Variants in GALNTL6 observed in about 807,000 individuals in gnomAD.
GALNTL6 encodes the protein polypeptide N-acetylgalactosaminyltransferase like 6.
A neutral mutation model predicts 73.7 loss-of-function variants in GALNTL6; 46 were observed. That is an observed-to-expected ratio of 0.62 (90% confidence interval 0.49 to 0.80). The LOEUF is 0.80. Among genes scored for constraint, GALNTL6 ranks in the 30% least tolerant of loss-of-function variants. GALNTL6 has a pLI of 0.00. For missense variants in GALNTL6, 604 were observed against 755.0 expected, an observed-to-expected ratio of 0.80 and a Z score of 2.34; for synonymous variants, 259 against 263.7, an observed-to-expected ratio of 0.98 and a Z score of 0.17.
At chr4:172,931,294 CTG>C (rs1748324712) in intron 9 of GALNTL6, 26 bp downstream of exon 9, 1 of 1,339,476 alleles carries the variant, frequency 7.5e-7, no homozygotes. Flanking sequence ...TCAGAACAGA[CTG>C]GGGTTGATAT....
Position 171,886,351 on chromosome 4 carries a change from A to G in GALNTL6, c.138+71633A>G, listed in dbSNP as rs375585572. Among the ~76,000 whole-genome samples the G allele has an allele frequency of 2.0e-5, 3 of 152,240 alleles. No individual in the cohort carries two copies. In the East Asian group the frequency reaches 5.8e-4, roughly 29 times the overall value. On this transcript the variant is annotated intron_variant, in intron 2 of 12. Coordinates refer to ENST00000506823, the MANE Select transcript of GALNTL6 (RefSeq NM_001034845.3). ...ATCATAATGACAAAAGAGCTAATTTATTTTCTTCATTTTTTCATTGTAAAT... is the reference window on the plus strand; with the variant it reads ...ATCATAATGACAAAAGAGCTAATTTGTTTTCTTCATTTTTTCATTGTAAAT...
intron 5 of GALNTL6, among the ~76,000 whole-genome samples, chr4:172,476,874 T>C (rs1450180731): frequency 6.6e-6 from 1 of 152,152 alleles, no homozygotes; most frequent in Non-Finnish European, 1.5e-5. Flanking sequence ...AATAGTACAT[T>C]CTATTTATTT....
intron 5 of GALNTL6, among the ~76,000 whole-genome samples, chr4:172,533,053 C>T (rs1162874561): frequency 2.1e-5 from 3 of 145,766 alleles, no homozygotes; most frequent in Non-Finnish European, 4.5e-5. Flanking sequence ...TGCTGTGTTG[C>T]CAGGCTTCAA....
At chr4:172,333,119 C>G (rs1404089280) in intron 4 of GALNTL6, among the ~76,000 whole-genome samples, 1 of 152,110 alleles carries the variant, frequency 6.6e-6, no homozygotes, top group Non-Finnish European at 1.5e-5. Context: ...GAAATGTACA[C>G]TGATGGCCGG....
intron 7 of GALNTL6, among the ~76,000 whole-genome samples, chr4:172,824,344 C>A (rs1742111495): frequency 6.7e-6 from 1 of 150,326 alleles, no homozygotes; most frequent in African/African-American, 2.5e-5. Flanking sequence ...TCAGTCAGAA[C>A]CTGACTTCCA....
intron 2 of GALNTL6, among the ~76,000 whole-genome samples, chr4:172,011,602 C>T (rs943225390): frequency 6.6e-6 from 1 of 151,890 alleles, no homozygotes; most frequent in Non-Finnish European, 1.5e-5. Context: ...CATATCATTC[C>T]TGAAATCTGG....
chr4:173,015,576 A>G (rs1430233167), intron 11 of GALNTL6, among the ~76,000 whole-genome samples: 1 of 152,290 alleles, frequency 6.6e-6, no homozygotes, highest in African/African-American at 2.4e-5. Flanking sequence ...CTTGTTATGC[A>G]AAGAGACTGG....
intron 5 of GALNTL6, among the ~76,000 whole-genome samples, chr4:172,501,715 T>C (rs187755217): frequency 3.3e-4 from 50 of 152,262 alleles, no homozygotes; most frequent in African/African-American, 1.2e-3. Flanking sequence ...GTAGCTGTAG[T>C]CCACATAAAT....
chr4:171,814,522 A>G lies in GALNTL6; in HGVS notation c.-59A>G. On this transcript the variant is annotated 5_prime_UTR_variant, in exon 2 of 13. Transcript: ENST00000506823. ...GGAGAGGAAAGGAATTTGACATTAA[A>G]CACAAGAAGCAGTCAGGGAGCCATC... 2.7e-5 allele frequency: 42 copies of G among 1,584,760 alleles called. No individual in the cohort carries two copies. The highest frequency in any genetic ancestry group is 3.6e-5 in the Non-Finnish European group (42 of 1,159,394).
chr4:172,539,529 TAACAATA>T (rs1036716960), intron 5 of GALNTL6, among the ~76,000 whole-genome samples: 3 of 152,130 alleles, frequency 2.0e-5, no homozygotes, highest in Non-Finnish European at 2.9e-5. Flanking sequence ...TATCAGTTTG[TAACAATA>T]AAACTGCAGG....
intron 3 of GALNTL6, among the ~76,000 whole-genome samples, chr4:172,290,162 T>C (rs1363489080): frequency 6.6e-6 from 1 of 152,190 alleles, no homozygotes; most frequent in Non-Finnish European, 1.5e-5. Context: ...CTGCTTTAAC[T>C]GAAGAGAGTA....
chr4:172,910,414 T>A (rs1265243656), intron 8 of GALNTL6, among the ~76,000 whole-genome samples: 3 of 152,204 alleles, frequency 2.0e-5, no homozygotes, highest in Non-Finnish European at 4.4e-5. Flanking sequence ...GGTATTTATA[T>A]GCCAAGGTGG....
chr4:172,893,857 T>C (rs1746180807), intron 8 of GALNTL6, among the ~76,000 whole-genome samples: 1 of 152,116 alleles, frequency 6.6e-6, no homozygotes, highest in African/African-American at 2.4e-5. Context: ...AATTCAAATG[T>C]CTCTGAAGGT....
intron 2 of GALNTL6, among the ~76,000 whole-genome samples, chr4:171,844,657 A>G (rs1235097936): frequency 6.6e-6 from 1 of 152,172 alleles, no homozygotes; most frequent in East Asian, 1.9e-4. Context: ...TGGGTGCTGG[A>G]TACGGAGCTG....
intron 4 of GALNTL6, among the ~76,000 whole-genome samples, chr4:172,347,232 C>T (rs571023042): frequency 2.6e-5 from 4 of 152,070 alleles, no homozygotes; most frequent in Non-Finnish European, 5.9e-5. Flanking sequence ...TCAAGTGATC[C>T]TCCCACCTTG....
At chr4:172,471,338 A>G (rs1384399917) in intron 5 of GALNTL6, among the ~76,000 whole-genome samples, 1 of 152,188 alleles carries the variant, frequency 6.6e-6, no homozygotes, top group African/African-American at 2.4e-5. Flanking sequence ...CAATCAAATG[A>G]ATTTCTTTAT....
intron 5 of GALNTL6, among the ~76,000 whole-genome samples, chr4:172,461,339 A>T (rs1026479615): frequency 6.6e-6 from 1 of 152,212 alleles, no homozygotes; most frequent in South Asian, 2.1e-4. Flanking sequence ...TGTTCTTCAC[A>T]TGTATCCCAG....
At chr4:172,980,560 C>T (rs151226862) in intron 10 of GALNTL6, among the ~76,000 whole-genome samples, 9 of 152,182 alleles carry the variant, frequency 5.9e-5, no homozygotes, top group East Asian at 3.9e-4. Context: ...CAGGTTCTCG[C>T]GAGGGCTGTC....
chr4:172,199,557 A>C (rs547399635), intron 2 of GALNTL6, among the ~76,000 whole-genome samples: 2 of 152,306 alleles, frequency 1.3e-5, no homozygotes, highest in East Asian at 3.9e-4. Flanking sequence ...CTCTCATCTC[A>C]TTCACTGTGG....
Sources: allele counts gnomAD v4.1 joint callset (sites outside exome capture counted in the v4.1 genomes callset), GRCh38; gene constraint gnomAD v4.1.1; transcripts MANE v1.5; gene names NCBI Gene and HGNC (gene_info 2026-07-23, HGNC 2026-07-21).